Variants in ZFYVE9 observed in about 807,000 individuals in gnomAD.
ZFYVE9 encodes the protein zinc finger FYVE domain-containing protein 9.
Under a neutral mutation model 126.7 loss-of-function variants are expected in ZFYVE9, and 43 were observed. The ratio of observed to expected loss-of-function variants is 0.34; its 90% CI spans 0.27 to 0.44. The LOEUF is 0.44. Ranked by LOEUF, ZFYVE9 falls within the 20% of genes least tolerant of loss-of-function variation. ZFYVE9 has a pLI of 1.00. For synonymous variants in ZFYVE9, 521 were observed against 597.4 expected (o/e 0.87, Z 1.87); for missense variants, 1,476 against 1,697.0 (o/e 0.87, Z 2.29).
At chr1:52,232,134 C>A (rs930357184) in intron 2 of ZFYVE9, among the ~76,000 whole-genome samples, 2 of 151,986 alleles carry the variant, frequency 1.3e-5, no homozygotes, top group Non-Finnish European at 2.9e-5. Context: ...TCATGTTTTC[C>A]TTACTCAGAC....
chr1:52,165,923 G>A (rs1644509474), intron 1 of ZFYVE9, among the ~76,000 whole-genome samples: 1 of 152,072 alleles, frequency 6.6e-6, no homozygotes, highest in Admixed American at 6.6e-5. Context: ...ATCCTACTTA[G>A]CTCCTCTTCT....
intron 13 of ZFYVE9, among the ~76,000 whole-genome samples, chr1:52,329,161 T>G (rs1266229060): frequency 6.6e-6 from 1 of 152,192 alleles, no homozygotes; most frequent in Non-Finnish European, 1.5e-5. Context: ...GCAAGCCGTA[T>G]CAAAATTTCA....
At chr1:52,203,761 T>A (rs942867214) in intron 1 of ZFYVE9, among the ~76,000 whole-genome samples, 1 of 151,844 alleles carries the variant, frequency 6.6e-6, no homozygotes, top group African/African-American at 2.4e-5. Context: ...TTATTATTAT[T>A]TCACTTTGCT....
intron 13 of ZFYVE9, among the ~76,000 whole-genome samples, chr1:52,325,495 GA>G (rs954851413): frequency 1.3e-5 from 2 of 152,142 alleles, no homozygotes; most frequent in African/African-American, 4.8e-5. Context: ...ACCCCAGCCT[GA>G]ACGAGAAGGC....
In ZFYVE9 at chr1:52,285,547, G is replaced by A. The variant is rs143526065; in HGVS notation, c.3025+3731G>A. On this transcript the variant is annotated intron_variant, in intron 10 of 18. Transcript: ENST00000287727. ...AAGTGCGAACCCTGTTGTGAACTGC[G>A]CGTGTGAGGGATCTAGGTTGTGTGC... Among the ~76,000 whole-genome samples, 255 of 152,246 alleles carry A rather than the reference G, an allele frequency of 1.7e-3. 2 individuals are homozygous for A. Among genetic ancestry groups the A allele is most frequent in the African/African-American group, 4.9e-3 (204 of 41,546 alleles).
chr1:52,238,353 C>T lies in ZFYVE9; in HGVS notation c.936C>T (p.His312=), dbSNP rs374146617. 256 of 1,613,792 alleles carry T rather than the reference C, an allele frequency of 1.6e-4. 2 individuals are homozygous for T. The East Asian group carries it at 2.2e-3, about 14-fold the overall frequency. Reference sequence around the variant, plus strand: ...TAGGGAGTCCAAATTCCTTTTCCCACATGAGTGAGGGGATTTTGATGAAAA... The same window carrying T: ...TAGGGAGTCCAAATTCCTTTTCCCATATGAGTGAGGGGATTTTGATGAAAA... ...TDLGSPNSFS[H]MSEGILMKKE... is the part of the protein sequence containing the mutation. The change falls in exon 4 of 19, where the codon CAC becomes CAT. Residue 312 remains histidine, a synonymous_variant. Transcript: ENST00000287727.
At chr1:52,250,378 T>A (rs1015509581) in intron 4 of ZFYVE9, among the ~76,000 whole-genome samples, 1 of 152,230 alleles carries the variant, frequency 6.6e-6, no homozygotes, top group African/African-American at 2.4e-5. Context: ...TTTGATGCTA[T>A]TGTAAATGGA....
chr1:52,247,182 G>GTAGTAGTAGGCCC (rs1553128490), intron 4 of ZFYVE9, among the ~76,000 whole-genome samples: 3 of 152,244 alleles, frequency 2.0e-5, no homozygotes, highest in Middle Eastern at 6.8e-3. Context: ...AAGCAGAAAG[G>GTAGTAGTAGGCCC]TAGTAGTAGG....
chr1:52,188,036 T>C lies in ZFYVE9; in HGVS notation c.-142-28333T>C, dbSNP rs542741510. On this transcript the variant is annotated intron_variant, in intron 1 of 18. Transcript: ENST00000287727. ...AAAGACACATGCATGCATATGTTCA[T>C]TGCAGCACTATTCACAATAGCAAAG... 2.0e-4 allele frequency among the ~76,000 whole-genome samples: 31 copies of C among 152,352 alleles called. No individual in the cohort carries two copies. In the South Asian group the frequency reaches 5.8e-3, roughly 28 times the overall value.
At chr1:52,252,849 A>T (rs1382893558) in intron 4 of ZFYVE9, 2 of 259,710 alleles carry the variant, frequency 7.7e-6, no homozygotes, top group Admixed American at 8.8e-5. Context: ...ACACACCTTT[A>T]CCAGAGAGTG....
intron 3 of ZFYVE9, among the ~76,000 whole-genome samples, chr1:52,236,628 C>T (rs1645275369): frequency 6.6e-6 from 1 of 152,040 alleles, no homozygotes; most frequent in South Asian, 2.1e-4. Context: ...TAAACAGAAA[C>T]ATTATATGAA....
At chr1:52,269,894 C>A (rs1645672390) in intron 7 of ZFYVE9, among the ~76,000 whole-genome samples, 1 of 151,944 alleles carries the variant, frequency 6.6e-6, no homozygotes, top group Non-Finnish European at 1.5e-5. Flanking sequence ...CTCAAGCAAT[C>A]CTTCTGCCAC....
At position 52,346,525 on chromosome 1, in the gene ZFYVE9, T is replaced by C. The variant is rs2147882573; in HGVS notation, c.*304T>C. On this transcript the variant is annotated 3_prime_UTR_variant, in exon 19 of 19. Transcript: ENST00000287727. ...GTTACTGTTTAGACAAGAATTCCGC[T>C]CCTCTCTCAAGATTTACTTATGGTC... is the stretch of plus-strand genomic sequence containing the variant. 1 of 409,608 alleles carries C rather than the reference T, an allele frequency of 2.4e-6. No individual in the cohort carries two copies. The highest frequency in any genetic ancestry group is 3.5e-5 in the East Asian group (1 of 28,750). 25.4% of individuals were successfully genotyped at this position (409,608 alleles called of 1,614,324 possible).
At chr1:52,282,801 C>T (rs1557499084) in intron 10 of ZFYVE9, among the ~76,000 whole-genome samples, 1 of 152,094 alleles carries the variant, frequency 6.6e-6, no homozygotes, top group Non-Finnish European at 1.5e-5. Flanking sequence ...CTGTGTTATA[C>T]TTATTAGATG....
chr1:52,258,681 C>T (rs1410201259), intron 4 of ZFYVE9, among the ~76,000 whole-genome samples: 1 of 152,214 alleles, frequency 6.6e-6, no homozygotes, highest in Non-Finnish European at 1.5e-5. Context: ...CCCATCTCCT[C>T]TGTGATACTA....
At chr1:52,209,241 G>A (rs1645005804) in intron 1 of ZFYVE9, among the ~76,000 whole-genome samples, 1 of 152,210 alleles carries the variant, frequency 6.6e-6, no homozygotes, top group African/African-American at 2.4e-5. Flanking sequence ...ATAGAATGAG[G>A]AGGACAAGTA....
intron 13 of ZFYVE9, among the ~76,000 whole-genome samples, chr1:52,324,291 A>G (rs979140788): frequency 8.5e-5 from 13 of 152,196 alleles, no homozygotes; most frequent in Admixed American, 8.5e-4. Context: ...AAACAAAAAC[A>G]AAACAAAACA....
chr1:52,340,595 T>C (rs1293094674), intron 17 of ZFYVE9, among the ~76,000 whole-genome samples: 1 of 152,160 alleles, frequency 6.6e-6, no homozygotes, highest in African/African-American at 2.4e-5. Context: ...TAAAAAATAC[T>C]TATTTCACTA....
rs58857376 is a variant in ZFYVE9, at chr1:52,272,673, C to CTTTTTTTTTTTT, written c.2626-1782_2626-1771dup. 2.6e-4 allele frequency among the ~76,000 whole-genome samples: 31 copies of CTTTTTTTTTTTT among 121,260 alleles called. 4 individuals carry two copies. The highest frequency in any genetic ancestry group is 9.5e-4 in the African/African-American group (28 of 29,596). The allele number at this position is 121,260 out of a possible 152,430, so 79.6% of individuals were successfully genotyped here. A position where few individuals can be genotyped will look rare whatever the true frequency, so the allele number is the denominator to read the frequency against. On this transcript the variant is annotated intron_variant, in intron 7 of 18. Coordinates refer to ENST00000287727, the MANE Select transcript of ZFYVE9 (RefSeq NM_004799.4). ...ATGAAATGAAGCTGCTAGAAATAAT[C>CTTTTTTTTTTTT]TTTTTTTTTTTTTTTTTTTTGAGTC... is the stretch of plus-strand genomic sequence containing the variant.
Sources: allele counts gnomAD v4.1 joint callset (sites outside exome capture counted in the v4.1 genomes callset), GRCh38; gene constraint gnomAD v4.1.1; transcripts MANE v1.5; gene names NCBI Gene and HGNC (gene_info 2026-07-23, HGNC 2026-07-21).